The following GLIS3 variants were observed in gnomAD, a reference collection of about 807,000 sequenced individuals.
The protein encoded by GLIS3 is zinc finger protein GLIS3.
A neutral mutation model predicts 78.6 loss-of-function variants in GLIS3; 53 were observed. The observed-to-expected ratio is 0.67, with a 90% confidence interval of 0.54 to 0.85. The LOEUF is 0.85. Among genes scored for constraint, GLIS3 ranks in the 40% least tolerant of loss-of-function variants. The pLI is 0.00. For missense variants in GLIS3, 1,703 were observed against 1,231.1 expected (o/e 1.38, Z -5.74); for synonymous variants, 684 against 509.9 (o/e 1.34, Z -4.60).
At chr9:4,202,152 CTTT>C (rs71324286) in intron 2 of GLIS3, among the ~76,000 whole-genome samples, 1 of 125,442 alleles carries the variant, frequency 8.0e-6, no homozygotes, top group Non-Finnish European at 1.6e-5. Flanking sequence ...CCCCCTTTTT[CTTT>C]TTTTTTTTTT....
chr9:4,068,094 G>A (rs369067267), intron 4 of GLIS3, among the ~76,000 whole-genome samples: 2 of 152,094 alleles, frequency 1.3e-5, no homozygotes, highest in Admixed American at 6.6e-5. Context: ...TTAGAAAATG[G>A]AGAAGTGTTA....
intron 4 of GLIS3, among the ~76,000 whole-genome samples, chr9:3,956,769 A>G (rs1817139970): frequency 6.6e-6 from 1 of 152,200 alleles, no homozygotes; most frequent in African/African-American, 2.4e-5. Flanking sequence ...TTACAGAAAC[A>G]ATCTTAGTTG....
In GLIS3 at chr9:4,169,842, T is replaced by G. The variant is rs1206231724; in HGVS notation, c.389-43901A>C. ...TCGGTACATTGTTCTTGCAGTTTTT[T>G]TTGTTGTCTGAAATTATATCAAAAT... On this transcript the variant is annotated intron_variant, in intron 2 of 10. Coordinates refer to ENST00000381971, the MANE Select transcript of GLIS3 (RefSeq NM_001042413.2). Among the ~76,000 whole-genome samples the G allele has an allele frequency of 1.1e-4, 17 of 152,174 alleles. 1 individual carries two copies. Among genetic ancestry groups the G allele is most frequent in the Admixed American group, 1.1e-3 (17 of 15,276 alleles).
chr9:4,171,874 G>C (rs573096314), intron 2 of GLIS3, among the ~76,000 whole-genome samples: 46 of 152,244 alleles, frequency 3.0e-4, no homozygotes, highest in South Asian at 8.3e-4. Context: ...GGCTGCTAAG[G>C]AATACATTTA....
chr9:4,356,572 C>A, the GLIS3 span, among the ~76,000 whole-genome samples: 1 of 152,152 alleles, frequency 6.6e-6, no homozygotes, highest in Admixed American at 6.5e-5. Context: ...CTATTTCTCA[C>A]GGTAGGGTCA....
chr9:4,355,304 G>A, the GLIS3 span, among the ~76,000 whole-genome samples: 1 of 152,090 alleles, frequency 6.6e-6, no homozygotes, highest in Non-Finnish European at 1.5e-5. Flanking sequence ...TGAGCCTCAG[G>A]TTGGCTTTGT....
the GLIS3 span, among the ~76,000 whole-genome samples, chr9:4,467,326 C>G: frequency 3.9e-5 from 6 of 152,210 alleles, no homozygotes; most frequent in Admixed American, 3.9e-4. Flanking sequence ...AACGGACAGA[C>G]TGCCTCCTCA....
chr9:4,027,433 G>C (rs1823439088), intron 4 of GLIS3, among the ~76,000 whole-genome samples: 1 of 152,168 alleles, frequency 6.6e-6, no homozygotes, highest in Admixed American at 6.5e-5. Context: ...CAGTTCATTT[G>C]AGGACTGAAA....
At chr9:3,840,322 A>G (rs1455200826) in intron 9 of GLIS3, among the ~76,000 whole-genome samples, 1 of 152,338 alleles carries the variant, frequency 6.6e-6, no homozygotes, top group African/African-American at 2.4e-5. Flanking sequence ...CAATTTGGTT[A>G]TCATTTTTGC....
At chr9:4,269,359 C>T (rs1034241805) in intron 2 of GLIS3, among the ~76,000 whole-genome samples, 1 of 147,150 alleles carries the variant, frequency 6.8e-6, no homozygotes, top group Non-Finnish European at 1.5e-5. Context: ...GCGCTTAAAA[C>T]CTATGTCCAC....
chr9:4,295,035 C>G (rs1000583798), intron 1 of GLIS3, among the ~76,000 whole-genome samples: 8 of 152,176 alleles, frequency 5.3e-5, no homozygotes, highest in Non-Finnish European at 1.0e-4. Context: ...TTTCCTTTCT[C>G]TACTAGGAAA....
At chr9:4,361,251 G>C in the GLIS3 span, among the ~76,000 whole-genome samples, 1 of 152,200 alleles carries the variant, frequency 6.6e-6, no homozygotes, top group Admixed American at 6.5e-5. Context: ...TGGATGTAAG[G>C]CAGTACCAAA....
chr9:4,379,961 G>C, the GLIS3 span, among the ~76,000 whole-genome samples: 3 of 77,626 alleles, frequency 3.9e-5, no homozygotes, highest in East Asian at 4.1e-4. Context: ...CAGACAGAGT[G>C]AAAGACCCCC....
At chr9:4,419,695 G>A in the GLIS3 span, among the ~76,000 whole-genome samples, 5 of 152,164 alleles carry the variant, frequency 3.3e-5, no homozygotes, top group South Asian at 4.2e-4. Context: ...CAGGAGAATC[G>A]CTTGAACCCA....
At chr9:4,169,490 A>C (rs1026827243) in intron 2 of GLIS3, among the ~76,000 whole-genome samples, 8 of 152,212 alleles carry the variant, frequency 5.3e-5, no homozygotes, top group African/African-American at 1.9e-4. Context: ...GTGTGGCTTT[A>C]AACACTACGC....
the GLIS3 span, among the ~76,000 whole-genome samples, chr9:4,466,065 T>C: frequency 1.3e-5 from 2 of 152,272 alleles, no homozygotes; most frequent in African/African-American, 4.8e-5. Flanking sequence ...TCTACCATAC[T>C]GATTCAGAAA....
intron 8 of GLIS3, among the ~76,000 whole-genome samples, chr9:3,861,082 C>A (rs528919256): frequency 2.6e-5 from 4 of 152,246 alleles, no homozygotes; most frequent in African/African-American, 9.6e-5. Flanking sequence ...CTGATGCCTT[C>A]CGGGTGATCA....
At chr9:4,488,231 G>C in the GLIS3 span, among the ~76,000 whole-genome samples, 1 of 151,844 alleles carries the variant, frequency 6.6e-6, no homozygotes, top group Non-Finnish European at 1.5e-5. Context: ...CTGGGATTAC[G>C]GGTGTGAGCC....
At chr9:4,452,530 T>C in the GLIS3 span, among the ~76,000 whole-genome samples, 5 of 151,890 alleles carry the variant, frequency 3.3e-5, no homozygotes, top group South Asian at 2.1e-4. Context: ...AAACCAATAA[T>C]AGGCAAACAG....
Sources: allele counts gnomAD v4.1 joint callset (sites outside exome capture counted in the v4.1 genomes callset), GRCh38; gene constraint gnomAD v4.1.1; transcripts MANE v1.5; gene names NCBI Gene and HGNC (gene_info 2026-07-23, HGNC 2026-07-21).